The following PADI6 variants were observed in gnomAD, a reference collection of about 807,000 sequenced individuals.
PADI6 encodes inactive protein-arginine deiminase type-6.
PADI6 carries 66 observed loss-of-function variants against 78.2 expected under a neutral mutation model. The observed-to-expected ratio is 0.84, with a 90% CI of 0.69 to 1.04. The LOEUF (loss-of-function observed/expected upper bound fraction) is 1.04, where lower values mean the gene tolerates loss of function less well. Among genes scored for constraint, PADI6 ranks in the 50% least tolerant of loss-of-function variants. The pLI, the probability that PADI6 is intolerant of heterozygous loss-of-function variation, is 0.00. For missense variants in PADI6, 854 were observed against 866.1 expected, an observed-to-expected ratio of 0.99 and a Z score of 0.18; for synonymous variants, 397 against 346.9, an observed-to-expected ratio of 1.14 and a Z score of -1.60.
chr1:17,395,597 CAGAA>C lies in PADI6; in HGVS notation c.1553_1556del (p.Gln518ArgfsTer37). The C allele has an allele frequency of 1.9e-6, 3 of 1,597,242 alleles. No homozygotes were observed. Among genetic ancestry groups the C allele is most frequent in the African/African-American group, 1.3e-5 (1 of 74,366 alleles). On this transcript the variant is annotated frameshift_variant, in exon 13 of 16. Coordinates refer to ENST00000619609, the MANE Select transcript of PADI6 (RefSeq NM_207421.4). LOFTEE classifies it high-confidence loss of function. ...CTGCTATAAACTGTTCCGAGAGAAA[CAGAA>C]GGAAGGCTATGGCGACGCTCTTCTG...
rs768315323 is a variant in PADI6 at position 17,401,366 on chromosome 1, C to T, written c.2013C>T (p.Val671=). 51 of 1,613,940 alleles carry T rather than the reference C, an allele frequency of 3.2e-5. No individual in the cohort carries two copies. The highest frequency in any genetic ancestry group is 4.0e-5 in the Non-Finnish European group (47 of 1,179,914). ...ACTTTGACTGTTACCTGACAGAGGT[C>T]GGAGACATCTGTGCCTGTGCCAACA... The part of the protein sequence containing the change: ...INDFDCYLTE[V]GDICACANIR... Residue 671 remains valine (V), a synonymous_variant, in exon 16 of 16, where the codon GTC becomes GTT. Coordinates refer to ENST00000619609, the MANE Select transcript of PADI6 (RefSeq NM_207421.4).
At position 17,395,640 on chromosome 1, in the gene PADI6, G is replaced by GA; in HGVS notation, c.1596dup (p.Ala533SerfsTer7). The GA allele has an allele frequency of 4.3e-6, 7 of 1,611,550 alleles. No individual in the cohort carries two copies. The highest frequency in any genetic ancestry group is 5.9e-6 in the Non-Finnish European group (7 of 1,178,952). On this transcript the variant is annotated frameshift_variant, in exon 13 of 16. Transcript: ENST00000619609. LOFTEE classifies it high-confidence loss of function. ...GACGCTCTTCTGTTTGATGAGCTTA[G>GA]AGCAGATCAGCTCCTGTCTAATGGT...
At chr1:17,380,969 C>G (rs1186286921) in intron 4 of PADI6, 78 bp from the exon 5 acceptor site, 3 of 1,249,186 alleles carry the variant, frequency 2.4e-6, no homozygotes, top group Admixed American at 2.1e-5. Flanking sequence ...GGCTGGGCCC[C>G]TCTGCTATGA....
At chr1:17,375,013 C>T (rs762524990) in intron 2 of PADI6, among the ~76,000 whole-genome samples, 26 of 152,134 alleles carry the variant, frequency 1.7e-4, no homozygotes, top group Non-Finnish European at 3.1e-4. Context: ...GTTTCCCCAC[C>T]GTGCACCTTA....
At chr1:17,389,516 A>AT (rs2075160948) in intron 8 of PADI6, among the ~76,000 whole-genome samples, 1 of 152,170 alleles carries the variant, frequency 6.6e-6, no homozygotes, top group African/African-American at 2.4e-5. Flanking sequence ...AAGAGCCAAG[A>AT]TTTGGACACT....
rs2075298983 is a variant in PADI6 at position 17,401,292 on chromosome 1, A to G, written c.1939A>G (p.Ile647Val). The change falls in exon 16 of 16, where the codon ATT (isoleucine) becomes GTT (valine). Residue 647 changes from isoleucine to valine, a missense_variant. Ile to Val is a conservative substitution (Grantham distance 29, BLOSUM62 3). Transcript: ENST00000619609. The stretch of plus-strand genomic sequence containing the variant: ...GGGGACCTGCTGCCTGGAAGAAAAG[A>G]TTTGCTGCTTGCTGGAGCCCCTGGG... ...IKGTCCLEEK[I>V]CCLLEPLGFK... 1 of 1,614,076 alleles carries G rather than the reference A, an allele frequency of 6.2e-7. No homozygotes were observed. Among genetic ancestry groups the G allele is most frequent in the South Asian group, 1.1e-5 (1 of 91,090 alleles).
intron 13 of PADI6, among the ~76,000 whole-genome samples, chr1:17,396,697 G>A (rs2075250589): frequency 1.3e-5 from 2 of 152,004 alleles, no homozygotes; most frequent in Admixed American, 1.3e-4. Flanking sequence ...AGGAACAAAG[G>A]TAATGTAACC....
At chr1:17,374,385 G>T (rs1401690533) in intron 2 of PADI6, among the ~76,000 whole-genome samples, 1 of 152,126 alleles carries the variant, frequency 6.6e-6, no homozygotes, top group Non-Finnish European at 1.5e-5. Context: ...CAGCACTTTG[G>T]AAGGCTGAGA....
intron 13 of PADI6, among the ~76,000 whole-genome samples, chr1:17,396,323 T>C (rs2075246946): frequency 6.6e-6 from 1 of 151,876 alleles, no homozygotes; most frequent in Non-Finnish European, 1.5e-5. Flanking sequence ...GAGGTGGAGG[T>C]TGCGGTGAGC....
At chr1:17,380,807 ACT>A (rs2075065779) in intron 4 of PADI6, among the ~76,000 whole-genome samples, 1 of 151,926 alleles carries the variant, frequency 6.6e-6, no homozygotes, top group Non-Finnish European at 1.5e-5. Context: ...TGATTCTCTG[ACT>A]CTGAAATATG....
chr1:17,383,596 C>T (rs1489990477), intron 6 of PADI6, among the ~76,000 whole-genome samples: 1 of 152,222 alleles, frequency 6.6e-6, no homozygotes, highest in East Asian at 1.9e-4. Context: ...GCCTCTAATC[C>T]CAACATTTTG....
intron 8 of PADI6, 26 bp downstream of exon 8, chr1:17,388,906 C>A: frequency 1.3e-6 from 2 of 1,578,174 alleles, no homozygotes; most frequent in Non-Finnish European, 1.7e-6. Context: ...GCTGACTGTG[C>A]CAGGCGGTTC....
At chr1:17,395,925 G>T (rs555700340) in intron 13 of PADI6, among the ~76,000 whole-genome samples, 4 of 152,250 alleles carry the variant, frequency 2.6e-5, no homozygotes, top group East Asian at 1.9e-4. Flanking sequence ...GGCCCCAAGT[G>T]GGGGGAAAAC....
Position 17,373,094 on chromosome 1 carries a change from G to T in PADI6, c.155G>T (p.Gly52Val), listed in dbSNP as rs1471826948. 6.2e-7 allele frequency: 1 copy of T among 1,613,876 alleles called. No homozygotes were observed. Among genetic ancestry groups the T allele is most frequent in the African/African-American group, 1.3e-5 (1 of 74,938 alleles). The change falls in exon 2 of 16, where the codon GGC becomes GTC. Residue 52 changes from glycine (G) to valine (V), a missense_variant. Gly to Val is a moderately radical substitution (Grantham distance 109). Coordinates refer to ENST00000619609, the MANE Select transcript of PADI6 (RefSeq NM_207421.4). ...PQKCQCFTIH[G>V]SGRVLIDVAN... The stretch of plus-strand genomic sequence containing the variant: ...AAGTGCCAGTGCTTCACCATCCATG[G>T]CTCTGGGAGGGTCTTGATCGATGTG...
In PADI6 at chr1:17,395,607, G is replaced by T. The variant is rs757482585; in HGVS notation, c.1562G>T (p.Gly521Val). Residue 521 changes from glycine (G) to valine (V), a missense_variant, in exon 13 of 16, where the codon GGC becomes GTC. Coordinates refer to ENST00000619609, the MANE Select transcript of PADI6 (RefSeq NM_207421.4). ...CTGTTCCGAGAGAAACAGAAGGAAG[G>T]CTATGGCGACGCTCTTCTGTTTGAT... ...YKLFREKQKE[G>V]YGDALLFDEL... 6.2e-7 allele frequency: 1 copy of T among 1,602,576 alleles called. No individual in the cohort carries two copies. Among genetic ancestry groups the T allele is most frequent in the Non-Finnish European group, 8.5e-7 (1 of 1,174,676 alleles).
intron 5 of PADI6, 50 bp downstream of exon 5, chr1:17,381,214 CTG>C: frequency 1.4e-6 from 2 of 1,457,402 alleles, no homozygotes; most frequent in Non-Finnish European, 1.9e-6. Context: ...CTTTGCTGCC[CTG>C]CTTCTCAGCA....
At chr1:17,393,354 A>G (rs2075210616) in intron 9 of PADI6, among the ~76,000 whole-genome samples, 1 of 152,204 alleles carries the variant, frequency 6.6e-6, no homozygotes. Flanking sequence ...AGATGTAGGG[A>G]ACAGATCTTA....
At chr1:17,387,463 G>C (rs886535236) in intron 6 of PADI6, among the ~76,000 whole-genome samples, 6 of 151,550 alleles carry the variant, frequency 4.0e-5, no homozygotes, top group Middle Eastern at 3.4e-3. Context: ...AAAGGAGGGG[G>C]GGGGGCCAGG....
chr1:17,400,280 C>G (rs1289467009), intron 15 of PADI6, among the ~76,000 whole-genome samples: 1 of 151,630 alleles, frequency 6.6e-6, no homozygotes, highest in Non-Finnish European at 1.5e-5. Flanking sequence ...TTGGGAGGCC[C>G]AGGCAGGCAG....
Sources: allele counts gnomAD v4.1 joint callset (sites outside exome capture counted in the v4.1 genomes callset), GRCh38; gene constraint gnomAD v4.1.1; transcripts MANE v1.5; gene names NCBI Gene and HGNC (gene_info 2026-07-23, HGNC 2026-07-21).